TRPM3: variants seen among roughly 807,000 people sequenced by gnomAD.
TRPM3 encodes the protein long transient receptor potential channel 3.
A neutral mutation model predicts 181.2 loss-of-function variants in TRPM3; 77 were observed. The observed-to-expected ratio is 0.42, with a 90% CI of 0.35 to 0.51. The LOEUF (loss-of-function observed/expected upper bound fraction) is 0.51. Ranked by LOEUF, TRPM3 falls within the 20% of genes least tolerant of loss-of-function variation. The probability of loss-of-function intolerance (pLI) is 0.01; values close to 1 mark genes in which losing one functional copy is unlikely to be tolerated. For missense variants in TRPM3, 1,759 were observed against 2,196.7 expected (o/e 0.80, Z 3.98); for synonymous variants, 745 against 796.4 (o/e 0.94, Z 1.09).
chr9:71,177,994 C>A (rs992793425), intron 1 of TRPM3, among the ~76,000 whole-genome samples: 5 of 149,660 alleles, frequency 3.3e-5, no homozygotes, highest in Non-Finnish European at 1.5e-5. Context: ...TATACTGAAC[C>A]AAGATACGAT....
At chr9:70,769,281 G>A (rs1200970553) in intron 7 of TRPM3, among the ~76,000 whole-genome samples, 2 of 152,054 alleles carry the variant, frequency 1.3e-5, no homozygotes, top group African/African-American at 4.8e-5. Context: ...AAGCCCACCA[G>A]ACTCTTGCAT....
chr9:71,002,204 A>G (rs1370751888), intron 1 of TRPM3, among the ~76,000 whole-genome samples: 2 of 152,180 alleles, frequency 1.3e-5, no homozygotes, highest in East Asian at 1.9e-4. Context: ...CCGTTCGCCT[A>G]GTTAACTCTT....
intron 12 of TRPM3, among the ~76,000 whole-genome samples, chr9:70,628,243 C>T (rs997542134): frequency 3.3e-5 from 5 of 152,098 alleles, no homozygotes; most frequent in African/African-American, 4.8e-5. Context: ...TGGGGATGAC[C>T]GCCCGAGGAT....
At chr9:71,200,839 T>C (rs2078736908) in intron 1 of TRPM3, among the ~76,000 whole-genome samples, 1 of 151,538 alleles carries the variant, frequency 6.6e-6, no homozygotes, top group Non-Finnish European at 1.5e-5. Context: ...TTTGCCAGTC[T>C]GTGTCTTTTA....
chr9:70,978,545 A>G (rs975262433), intron 1 of TRPM3, among the ~76,000 whole-genome samples: 2 of 152,212 alleles, frequency 1.3e-5, no homozygotes, highest in African/African-American at 2.4e-5. Flanking sequence ...AGATGCTTTT[A>G]GTGCTTCAGA....
intron 1 of TRPM3, among the ~76,000 whole-genome samples, chr9:70,919,763 G>C (rs1222622294): frequency 6.9e-6 from 1 of 144,628 alleles, no homozygotes. Context: ...CAGCCTGGGT[G>C]ACAAGAGTGA....
chr9:70,700,624 C>T, intron 8 of TRPM3, among the ~76,000 whole-genome samples: 1 of 152,170 alleles, frequency 6.6e-6, no homozygotes, highest in South Asian at 2.1e-4. Flanking sequence ...TTTGGCAAAA[C>T]TTATAGGCTG....
intron 1 of TRPM3, among the ~76,000 whole-genome samples, chr9:71,096,292 T>C (rs2067185891): frequency 6.7e-6 from 1 of 148,196 alleles, no homozygotes; most frequent in South Asian, 2.2e-4. Flanking sequence ...CTAGTTGCCT[T>C]TAAAAAAAAA....
At chr9:71,199,053 A>C (rs1383893172) in intron 1 of TRPM3, among the ~76,000 whole-genome samples, 198 of 149,976 alleles carry the variant, frequency 1.3e-3, no homozygotes, top group African/African-American at 4.5e-3. Context: ...TCCCATCAAT[A>C]CCTAATTTAT....
intron 6 of TRPM3, among the ~76,000 whole-genome samples, chr9:70,811,995 T>TACAAATTTGGTTATTGTTTCCC (rs2092133597): frequency 1.3e-5 from 2 of 152,232 alleles, no homozygotes; most frequent in African/African-American, 4.8e-5. Context: ...GCAGGTTTCC[T>TACAAATTTGGTTATTGTTTCCC]ACCAATTTGG....
At chr9:70,599,404 G>GAAC (rs1302777033) in intron 20 of TRPM3, among the ~76,000 whole-genome samples, 3 of 151,964 alleles carry the variant, frequency 2.0e-5, no homozygotes, top group Admixed American at 6.6e-5. Context: ...GGAGACAAAT[G>GAAC]AACAACAACA....
At position 71,121,068 on chromosome 9, in the gene TRPM3, C is replaced by A. The variant is rs1378230809; in HGVS notation, c.177+110G>T. 5 of 1,035,588 alleles carry A rather than the reference C, an allele frequency of 4.8e-6. No individual in the cohort carries two copies. In the Admixed American group the frequency reaches 1.1e-4, roughly 23 times the overall value. 64.1% of individuals were successfully genotyped at this position (1,035,588 alleles called of 1,614,324 possible). On this transcript the variant is annotated intron_variant, in intron 1 of 25. Coordinates refer to ENST00000677713, the MANE Select transcript of TRPM3 (RefSeq NM_001366145.2). ...CCAGCCACGGACCACAGAGCCAGTA[C>A]TGCATGCATTTAGGCTCCCCCAAAG...
At chr9:71,373,906 A>G (rs1009205124) in intron 1 of TRPM3, among the ~76,000 whole-genome samples, 1 of 152,242 alleles carries the variant, frequency 6.6e-6, no homozygotes, top group South Asian at 2.1e-4. Flanking sequence ...ATCCAGCAGC[A>G]CATCAAAAAG....
intron 1 of TRPM3, among the ~76,000 whole-genome samples, chr9:71,084,815 A>C (rs186360345): frequency 6.6e-6 from 1 of 152,138 alleles, no homozygotes; most frequent in East Asian, 1.9e-4. Flanking sequence ...GAGCCTGAAC[A>C]GTGAAAGCAG....
Position 70,767,139 on chromosome 9 carries a change from C to T in TRPM3, c.1149-5415G>A, listed in dbSNP as rs557641428. Among the ~76,000 whole-genome samples, 20 of 152,276 alleles carry T rather than the reference C, an allele frequency of 1.3e-4. No homozygotes were observed. In the South Asian group the frequency reaches 3.5e-3, roughly 27 times the overall value. On this transcript the variant is annotated intron_variant, in intron 7 of 25. Coordinates refer to ENST00000677713, the MANE Select transcript of TRPM3 (RefSeq NM_001366145.2). The stretch of plus-strand genomic sequence containing the variant: ...TGTACAATGCAGAGTTCTCTCCTGG[C>T]GTTAACAGTGCTCTGCACATCTGGT...
At chr9:71,165,521 T>C (rs959407151) in intron 1 of TRPM3, among the ~76,000 whole-genome samples, 13 of 152,078 alleles carry the variant, frequency 8.5e-5, no homozygotes, top group African/African-American at 2.7e-4. Flanking sequence ...AGGTCCAAAA[T>C]GGTATAACAA....
At chr9:70,760,120 C>T (rs2077832411) in intron 8 of TRPM3, among the ~76,000 whole-genome samples, 1 of 151,984 alleles carries the variant, frequency 6.6e-6, no homozygotes, top group South Asian at 2.1e-4. Flanking sequence ...AGGCAGAATT[C>T]TGCAAAAACA....
rs75199656 is a variant in TRPM3 at position 71,405,003 on chromosome 9, C to T, written c.183+41650G>A. Among the ~76,000 whole-genome samples the T allele has an allele frequency of 2.6e-3, 395 of 152,320 alleles. 1 individual carries two copies. Among genetic ancestry groups the T allele is most frequent in the Non-Finnish European group, 3.6e-3 (243 of 68,032 alleles). ...CCTTCGGCTCCTGCAGTACTTTATACATAGCTACATTTTGATATTTCTACA... is the reference window on the plus strand; with the variant it reads ...CCTTCGGCTCCTGCAGTACTTTATATATAGCTACATTTTGATATTTCTACA... On this transcript the variant is annotated intron_variant, in intron 1 of 24. Coordinates refer to the TRPM3 transcript ENST00000357533.
At chr9:71,311,775 T>C (rs2087964625) in intron 1 of TRPM3, among the ~76,000 whole-genome samples, 1 of 151,804 alleles carries the variant, frequency 6.6e-6, no homozygotes, top group Non-Finnish European at 1.5e-5. Flanking sequence ...ATGCTAATGA[T>C]AGCTGATGAG....
Sources: gnomAD v4.1 joint callset for allele counts (sites outside exome capture counted in the v4.1 genomes callset) on GRCh38, gnomAD v4.1.1 for gene constraint, MANE v1.5 for transcripts, NCBI Gene and HGNC (gene_info 2026-07-23, HGNC 2026-07-21) for gene names.